The following THRAP3 variants were observed in gnomAD, a reference collection of about 807,000 sequenced individuals.
THRAP3 encodes the protein thyroid hormone receptor associated protein 3.
In THRAP3, 16 loss-of-function variants were observed where a neutral mutation model predicts 101.0. The observed-to-expected ratio is 0.16, with a 90% CI of 0.11 to 0.24. The LOEUF (loss-of-function observed/expected upper bound fraction) is 0.24. Ranked by LOEUF, THRAP3 falls within the 10% of genes least tolerant of loss-of-function variation. The pLI, the probability that THRAP3 is intolerant of heterozygous loss-of-function variation, is 1.00. For synonymous variants in THRAP3, 407 were observed against 422.6 expected (o/e 0.96, Z 0.45); for missense variants, 989 against 1,202.7 (o/e 0.82, Z 2.63).
intron 1 of THRAP3, among the ~76,000 whole-genome samples, chr1:36,253,061 C>T (rs923225305): frequency 2.0e-5 from 3 of 149,068 alleles, no homozygotes; most frequent in Non-Finnish European, 4.4e-5. Context: ...AATTGGGTTT[C>T]CAAGTTAGCA....
chr1:36,246,433 A>C (rs1645231636), intron 1 of THRAP3, among the ~76,000 whole-genome samples: 1 of 151,706 alleles, frequency 6.6e-6, no homozygotes, highest in South Asian at 2.1e-4. Flanking sequence ...GGGTTTCACC[A>C]TGTTGGCCAG....
At chr1:36,247,272 G>C (rs969261473) in intron 1 of THRAP3, among the ~76,000 whole-genome samples, 2 of 151,978 alleles carry the variant, frequency 1.3e-5, no homozygotes, top group African/African-American at 2.4e-5. Context: ...AGCTGAGATG[G>C]AGTCACTGCA....
chr1:36,239,027 G>C (rs1645123790), intron 1 of THRAP3, among the ~76,000 whole-genome samples: 1 of 151,368 alleles, frequency 6.6e-6, no homozygotes, highest in African/African-American at 2.4e-5. Flanking sequence ...TCCGCCTCCT[G>C]GGTTCACGCC....
At chr1:36,298,146 C>CAAAAAAAAA (rs10653561) in intron 9 of THRAP3, among the ~76,000 whole-genome samples, 1 of 95,982 alleles carries the variant, frequency 1.0e-5, no homozygotes. Context: ...GACTTCATCT[C>CAAAAAAAAA]AAAAAAAAAA....
the THRAP3 span, among the ~76,000 whole-genome samples, chr1:36,214,018 GAAAGAAAGAAAGAAAGAAA>G: frequency 9.7e-6 from 1 of 102,992 alleles, no homozygotes; most frequent in Non-Finnish European, 2.1e-5. Context: ...AAGAAAGAAA[GAAAGAAAGAAAGAAAGAAA>G]GAAAGAAAGA....
At chr1:36,223,663 C>A (rs1188277734), upstream of THRAP3, among the ~76,000 whole-genome samples, 2 of 152,092 alleles carry the variant, frequency 1.3e-5, no homozygotes, top group Non-Finnish European at 2.9e-5. Flanking sequence ...CCCGAGAGAT[C>A]GGTTTAAAAT....
chr1:36,301,094 T>C lies in THRAP3; in HGVS notation c.2502+10T>C. On this transcript the variant is annotated intron_variant, in intron 10 of 11. Transcript: ENST00000354618. Reference sequence around the variant, plus strand: ...AGCTCGAGGAACCTTTGTAAGACCTTCCCCTCTCCCCCTTTCTCTGAGACC... The same window carrying C: ...AGCTCGAGGAACCTTTGTAAGACCTCCCCCTCTCCCCCTTTCTCTGAGACC... 3 of 1,612,546 alleles carry C rather than the reference T, an allele frequency of 1.9e-6. No homozygotes were observed. Among genetic ancestry groups the C allele is most frequent in the Non-Finnish European group, 2.5e-6 (3 of 1,179,066 alleles).
intron 1 of THRAP3, among the ~76,000 whole-genome samples, chr1:36,248,302 A>C (rs771167496): frequency 5.3e-5 from 8 of 151,736 alleles, no homozygotes; most frequent in Non-Finnish European, 8.8e-5. Flanking sequence ...GCTTTGACTG[A>C]GTTTTGAATA....
intron 1 of THRAP3, among the ~76,000 whole-genome samples, chr1:36,245,209 C>G (rs1169211904): frequency 1.3e-5 from 2 of 150,978 alleles, no homozygotes. Context: ...CTCTGTTGCC[C>G]GGTCTGGAGT....
At chr1:36,293,788 G>GAAT in intron 7 of THRAP3, 63 bp from the exon 8 acceptor site, 1 of 1,402,198 alleles carries the variant, frequency 7.1e-7, no homozygotes, top group East Asian at 2.3e-5. Flanking sequence ...TTAAGAGCTA[G>GAAT]AATATTACCA....
intron 5 of THRAP3, among the ~76,000 whole-genome samples, chr1:36,290,476 C>G (rs1431894492): frequency 6.9e-6 from 1 of 145,290 alleles, no homozygotes; most frequent in Non-Finnish European, 1.5e-5. Flanking sequence ...GGCGTGAGCA[C>G]CGCACCCAGC....
chr1:36,231,273 ATTAC>A (rs1645024825), intron 1 of THRAP3, among the ~76,000 whole-genome samples: 1 of 152,174 alleles, frequency 6.6e-6, no homozygotes. Flanking sequence ...AAAACACTGA[ATTAC>A]TTTGTTTCCA....
intron 2 of THRAP3, among the ~76,000 whole-genome samples, chr1:36,263,436 T>A (rs1447164494): frequency 6.6e-6 from 1 of 152,186 alleles, no homozygotes; most frequent in African/African-American, 2.4e-5. Flanking sequence ...AGTGTCATGA[T>A]TGGCTGCTTA....
At chr1:36,280,282 T>C (rs528900778) in intron 2 of THRAP3, among the ~76,000 whole-genome samples, 61 of 152,250 alleles carry the variant, frequency 4.0e-4, no homozygotes, top group Non-Finnish European at 7.9e-4. Flanking sequence ...TGGTTAAGCA[T>C]TTGCTATTCT....
At chr1:36,266,665 C>T (rs1479639649) in intron 2 of THRAP3, among the ~76,000 whole-genome samples, 1 of 152,130 alleles carries the variant, frequency 6.6e-6, no homozygotes, top group Non-Finnish European at 1.5e-5. Context: ...TGTAGCCAAG[C>T]TCTAACTTGC....
intron 1 of THRAP3, among the ~76,000 whole-genome samples, chr1:36,228,670 C>T (rs530250618): frequency 3.3e-5 from 5 of 152,280 alleles, no homozygotes; most frequent in East Asian, 1.9e-4. Context: ...CAGGACATTA[C>T]ATCCTTAATC....
chr1:36,236,760 T>C (rs1645094792), intron 1 of THRAP3, among the ~76,000 whole-genome samples: 3 of 152,226 alleles, frequency 2.0e-5, no homozygotes, highest in South Asian at 2.1e-4. Flanking sequence ...CAGCCCACAA[T>C]GGACATGTTC....
chr1:36,302,823 A>G (rs1321374109), intron 11 of THRAP3, among the ~76,000 whole-genome samples: 1 of 152,208 alleles, frequency 6.6e-6, no homozygotes, highest in Non-Finnish European at 1.5e-5. Context: ...TTTGAAATGT[A>G]GGTTAATCCT....
At chr1:36,227,284 C>T (rs910973185) in intron 1 of THRAP3, among the ~76,000 whole-genome samples, 7 of 151,892 alleles carry the variant, frequency 4.6e-5, no homozygotes, top group African/African-American at 1.7e-4. Flanking sequence ...ACATTATTTA[C>T]AACTTTTTTT....
Sources: gnomAD v4.1 joint callset for allele counts (sites outside exome capture counted in the v4.1 genomes callset) on GRCh38, gnomAD v4.1.1 for gene constraint, MANE v1.5 for transcripts, NCBI Gene and HGNC (gene_info 2026-07-23, HGNC 2026-07-21) for gene names.